The following DPH6 variants were observed in gnomAD, a reference collection of about 807,000 sequenced individuals.
DPH6 encodes the protein diphthine--ammonia ligase.
DPH6 carries 33 observed loss-of-function variants against 38.2 expected under a neutral mutation model. The observed-to-expected ratio is 0.86, with a 90% CI of 0.65 to 1.15. DPH6 has a LOEUF of 1.15. Ranked by LOEUF, DPH6 falls within the 50% of genes most tolerant of loss-of-function variation. DPH6 has a pLI of 0.00. For synonymous variants in DPH6, 108 were observed against 103.0 expected, an observed-to-expected ratio of 1.05 and a Z score of -0.30; for missense variants, 325 against 320.0, an observed-to-expected ratio of 1.02 and a Z score of -0.12.
downstream of DPH6, among the ~76,000 whole-genome samples, chr15:35,366,151 G>C (rs927176152): frequency 6.6e-6 from 1 of 151,576 alleles, no homozygotes; most frequent in Non-Finnish European, 1.5e-5. Context: ...GTTTATACAC[G>C]TTGCTATGAG....
chr15:35,262,403 A>T (rs986203222), intron 3 of DPH6, among the ~76,000 whole-genome samples: 2 of 152,000 alleles, frequency 1.3e-5, no homozygotes, highest in Admixed American at 1.3e-4. Context: ...TTTCTAAGTG[A>T]TTTTTTTTAA....
exon 4 of DPH6, chr15:35,217,386 C>T (rs902077783): frequency 1.2e-4 from 18 of 152,146 alleles, no homozygotes; most frequent in African/African-American, 4.4e-4. Context: ...GAGTTTTGCT[C>T]TTGTTGCCCA....
intron 3 of DPH6, among the ~76,000 whole-genome samples, chr15:35,507,362 G>A (rs936176276): frequency 4.6e-5 from 7 of 151,896 alleles, no homozygotes; most frequent in Admixed American, 3.3e-4. Context: ...GAATAGAAAT[G>A]TCCTTGCTGA....
intron 3 of DPH6, among the ~76,000 whole-genome samples, chr15:35,493,712 A>G (rs2141178424): frequency 6.6e-6 from 1 of 152,278 alleles, no homozygotes; most frequent in South Asian, 2.1e-4. Flanking sequence ...GTTGCTATCA[A>G]GAGCATGTGA....
At chr15:35,479,741 T>C (rs144363398) in intron 3 of DPH6, among the ~76,000 whole-genome samples, 344 of 152,204 alleles carry the variant, frequency 2.3e-3, no homozygotes, top group African/African-American at 7.8e-3. Context: ...AGGTCTCATG[T>C]TAATGATCAC....
intron 3 of DPH6, chr15:35,522,246 A>G (rs2054932776): frequency 6.2e-7 from 1 of 1,613,140 alleles, no homozygotes; most frequent in Non-Finnish European, 8.5e-7. Flanking sequence ...TCAGAGCATC[A>G]TATTCAGCAA....
chr15:35,409,406 T>A (rs2053336079), intron 6 of DPH6, among the ~76,000 whole-genome samples: 1 of 151,926 alleles, frequency 6.6e-6, no homozygotes, highest in Non-Finnish European at 1.5e-5. Context: ...TGCTGAAGAA[T>A]CATTGAATAA....
chr15:35,320,659 T>C (rs1370327060), intron 3 of DPH6, among the ~76,000 whole-genome samples: 1 of 152,216 alleles, frequency 6.6e-6, no homozygotes, highest in East Asian at 1.9e-4. Flanking sequence ...CCTTTCGTTT[T>C]GCAGAATCTT....
intron 3 of DPH6, among the ~76,000 whole-genome samples, chr15:35,461,223 A>G (rs2054063393): frequency 6.6e-6 from 1 of 152,178 alleles, no homozygotes; most frequent in African/African-American, 2.4e-5. Flanking sequence ...AGCTGGGACT[A>G]CAGGCGCGTG....
chr15:35,241,214 T>G lies in DPH6; in HGVS notation n.201-20632A>C, dbSNP rs2051596103. On this transcript the variant is annotated intron_variant and non_coding_transcript_variant, in intron 3 of 3. Coordinates refer to the DPH6 transcript ENST00000560386. ...GCCCAAGGCTCTCTGACTGACTCCT[T>G]CCCAGATCTTCTCGGCTTAGCAGCT... 1.4e-5 allele frequency among the ~76,000 whole-genome samples: 2 copies of G among 143,706 alleles called. 1 individual carries two copies. Among genetic ancestry groups the G allele is most frequent in the Admixed American group, 1.5e-4 (2 of 13,360 alleles). The allele number at this position is 143,706 out of a possible 152,430, so 94.3% of individuals were successfully genotyped here. A position where few individuals can be genotyped will look rare whatever the true frequency, so the allele number is the denominator to read the frequency against.
At chr15:35,422,699 C>A (rs1471640452) in intron 5 of DPH6, among the ~76,000 whole-genome samples, 1 of 151,696 alleles carries the variant, frequency 6.6e-6, no homozygotes, top group African/African-American at 2.4e-5. Flanking sequence ...AACTCTGTAC[C>A]CCTTAATCAA....
chr15:35,515,201 A>G (rs772450944), intron 3 of DPH6, among the ~76,000 whole-genome samples: 3 of 151,876 alleles, frequency 2.0e-5, no homozygotes, highest in Non-Finnish European at 4.4e-5. Context: ...CATTATAAAT[A>G]ATAGTTATAT....
chr15:35,440,609 G>A (rs1421492382), intron 5 of DPH6, among the ~76,000 whole-genome samples: 2 of 152,168 alleles, frequency 1.3e-5, no homozygotes, highest in Admixed American at 6.5e-5. Flanking sequence ...TTATCCTAAT[G>A]GCAGTTATAT....
chr15:35,285,015 A>T lies in DPH6; in HGVS notation n.201-64433T>A, dbSNP rs991182445. ...TGTAGAGATGAGGTCTTGCTATGTT[A>T]CGCAGGGTGGTCTCCAACTTCTGGG... On this transcript the variant is annotated intron_variant and non_coding_transcript_variant, in intron 3 of 3. Coordinates refer to the DPH6 transcript ENST00000560386. Among the ~76,000 whole-genome samples, 11 of 151,796 alleles carry T rather than the reference A, an allele frequency of 7.2e-5. No homozygotes were observed. In the East Asian group the frequency reaches 2.1e-3, roughly 30 times the overall value.
intron 3 of DPH6, among the ~76,000 whole-genome samples, chr15:35,347,922 T>C (rs1219639597): frequency 6.6e-6 from 1 of 152,106 alleles, no homozygotes; most frequent in Non-Finnish European, 1.5e-5. Flanking sequence ...TTTTATATGT[T>C]TGTAGGCTGT....
At chr15:35,518,079 G>T (rs1051124198) in intron 3 of DPH6, among the ~76,000 whole-genome samples, 2 of 152,092 alleles carry the variant, frequency 1.3e-5, no homozygotes, top group African/African-American at 2.4e-5. Context: ...GTAAGGGAAG[G>T]CCTGGTGTTC....
chr15:35,161,926 C>A, the DPH6 span, among the ~76,000 whole-genome samples: 3 of 151,890 alleles, frequency 2.0e-5, no homozygotes, highest in Non-Finnish European at 4.4e-5. Context: ...GCCTTCCAGA[C>A]TGCTTCTCCT....
At chr15:35,495,774 T>C (rs539267306) in intron 3 of DPH6, among the ~76,000 whole-genome samples, 5 of 152,298 alleles carry the variant, frequency 3.3e-5, no homozygotes, top group South Asian at 2.1e-4. Context: ...AGGAATTACA[T>C]TGGAGAAATT....
intron 3 of DPH6, among the ~76,000 whole-genome samples, chr15:35,356,352 A>C (rs1007846319): frequency 6.6e-6 from 1 of 152,032 alleles, no homozygotes; most frequent in Non-Finnish European, 1.5e-5. Flanking sequence ...GAAGGAGGAG[A>C]GGTGCTTTGA....
Sources: allele counts gnomAD v4.1 joint callset (sites outside exome capture counted in the v4.1 genomes callset), GRCh38; gene constraint gnomAD v4.1.1; transcripts MANE v1.5; gene names NCBI Gene and HGNC (gene_info 2026-07-23, HGNC 2026-07-21).